The following NTN1 variants were observed in gnomAD, a reference collection of about 807,000 sequenced individuals.
NTN1 encodes the protein netrin-1.
Under a neutral mutation model 54.2 loss-of-function variants are expected in NTN1, and 11 were observed. That is an observed-to-expected ratio of 0.20 (90% CI 0.13 to 0.34). The LOEUF is 0.34. NTN1 is among the 10% of genes least tolerant of loss of function. The pLI is 1.00. For synonymous variants in NTN1, 371 were observed against 382.0 expected (o/e 0.97, Z 0.33); for missense variants, 740 against 893.1 (o/e 0.83, Z 2.18).
chr17:9,069,309 A>C (rs1203335989), intron 2 of NTN1, among the ~76,000 whole-genome samples: 1 of 152,106 alleles, frequency 6.6e-6, no homozygotes, highest in Non-Finnish European at 1.5e-5. Context: ...GGAATTAAAA[A>C]AAAAAGAATG....
In NTN1 at chr17:9,221,512, C is replaced by G. The variant is rs1905353137; in HGVS notation, c.1486+270C>G. ...CCCAGGCTGGCCTCTGGCTTTGACT[C>G]TGCCGCTGATGGGCTGTGTGGCCAC... On this transcript the variant is annotated intron_variant, in intron 6 of 6. Coordinates refer to ENST00000173229, the MANE Select transcript of NTN1 (RefSeq NM_004822.3). The surrounding 1 kb of genome is among the most constrained non-coding windows in gnomAD (Gnocchi z 4.5). Among the ~76,000 whole-genome samples the G allele has an allele frequency of 6.6e-6, 1 of 152,244 alleles. No individual in the cohort carries two copies. Among genetic ancestry groups the G allele is most frequent in the Admixed American group, 6.5e-5 (1 of 15,292 alleles).
At chr17:9,071,405 A>T (rs2092031554) in intron 2 of NTN1, among the ~76,000 whole-genome samples, 8 of 152,188 alleles carry the variant, frequency 5.3e-5, no homozygotes, top group African/African-American at 1.2e-4. Flanking sequence ...TCACATTCTC[A>T]GTAATTAGAC....
chr17:9,122,582 A>G (rs2092234708), intron 2 of NTN1, among the ~76,000 whole-genome samples: 1 of 152,220 alleles, frequency 6.6e-6, no homozygotes, highest in South Asian at 2.1e-4. Flanking sequence ...CCAGCCCCTC[A>G]TCTTGTGCTT....
chr17:9,222,154 C>A (rs887481252), intron 6 of NTN1, among the ~76,000 whole-genome samples: 1 of 152,232 alleles, frequency 6.6e-6, no homozygotes, highest in South Asian at 2.1e-4. Context: ...CTCTCCTTGA[C>A]CTGGTGGGCC....
At chr17:9,117,810 G>A (rs1026642666) in intron 2 of NTN1, among the ~76,000 whole-genome samples, 1 of 150,818 alleles carries the variant, frequency 6.6e-6, no homozygotes. Context: ...TGCACGGCGT[G>A]TCATCCCCTG....
At chr17:9,195,306 G>A (rs956693739) in intron 5 of NTN1, among the ~76,000 whole-genome samples, 1 of 151,872 alleles carries the variant, frequency 6.6e-6, no homozygotes, top group Admixed American at 6.6e-5. Flanking sequence ...GCCTTTGCAG[G>A]TGGAGCTGCC....
chr17:9,173,676 A>C (rs1367131520), intron 3 of NTN1: 1 of 152,380 alleles, frequency 6.6e-6, no homozygotes, highest in East Asian at 1.9e-4. Flanking sequence ...CAGGAGGGCC[A>C]CAGGCAGATG....
intron 2 of NTN1, among the ~76,000 whole-genome samples, chr17:9,150,695 A>G (rs578229310): frequency 1.3e-5 from 2 of 152,098 alleles, no homozygotes; most frequent in African/African-American, 2.4e-5. Flanking sequence ...GGCCTGGGAC[A>G]TGTTCGTTAG....
chr17:9,024,321 G>A (rs975714774), intron 2 of NTN1, among the ~76,000 whole-genome samples: 1 of 152,226 alleles, frequency 6.6e-6, no homozygotes, highest in African/African-American at 2.4e-5. Flanking sequence ...AAAAGGGTGA[G>A]GGGAGGTAGC....
chr17:9,168,256 G>A (rs2092378162), intron 3 of NTN1, among the ~76,000 whole-genome samples: 1 of 152,198 alleles, frequency 6.6e-6, no homozygotes, highest in Non-Finnish European at 1.5e-5. Flanking sequence ...ATCCTGGCCG[G>A]GCACGGTGGC....
intron 2 of NTN1, among the ~76,000 whole-genome samples, chr17:9,033,848 C>T (rs1249247182): frequency 4.9e-5 from 7 of 141,880 alleles, no homozygotes; most frequent in Non-Finnish European, 1.1e-4. Context: ...ATCTGGGAGG[C>T]GGAGGTTGCA....
intron 5 of NTN1, among the ~76,000 whole-genome samples, chr17:9,185,093 C>T (rs1267562827): frequency 8.5e-5 from 13 of 152,200 alleles, no homozygotes; most frequent in Admixed American, 8.5e-4. Flanking sequence ...GGTTGGAAGC[C>T]TGTAGCAATG....
intron 5 of NTN1, among the ~76,000 whole-genome samples, chr17:9,193,102 GAAAA>G (rs966579541): frequency 1.1e-5 from 1 of 93,098 alleles, no homozygotes; most frequent in African/African-American, 3.9e-5. Flanking sequence ...AAAAGAAAAA[GAAAA>G]AAAAGCCGTT....
chr17:9,117,519 G>T (rs551276191), intron 2 of NTN1, among the ~76,000 whole-genome samples: 57 of 152,228 alleles, frequency 3.7e-4, no homozygotes, highest in Admixed American at 3.7e-3. Flanking sequence ...GCCGAGGAGG[G>T]TGGATCACAA....
intron 2 of NTN1, among the ~76,000 whole-genome samples, chr17:9,147,334 T>C (rs1780476063): frequency 6.6e-6 from 1 of 152,058 alleles, no homozygotes; most frequent in Non-Finnish European, 1.5e-5. Flanking sequence ...TGAAACCCCG[T>C]CTCTACTAAA....
chr17:9,024,236 AC>A (rs1456062594), intron 2 of NTN1, among the ~76,000 whole-genome samples: 12 of 152,358 alleles, frequency 7.9e-5, no homozygotes, highest in African/African-American at 2.6e-4. Flanking sequence ...AAAAAAGGAT[AC>A]GTTCTGCTTC....
At chr17:9,129,750 C>G (rs1053883862) in intron 2 of NTN1, among the ~76,000 whole-genome samples, 1 of 152,164 alleles carries the variant, frequency 6.6e-6, no homozygotes. Context: ...CTGGACCTCC[C>G]GGCTGCCGTC....
In NTN1 at chr17:9,178,449, T is replaced by C. The variant is rs577762842; in HGVS notation, c.1208-1358T>C. ...CCTCACATTCTTCTCTTCTCCACCT[T>C]CCTCCCTCCCTCCTCTTCCTAATTC... is the stretch of plus-strand genomic sequence containing the variant. On this transcript the variant is annotated intron_variant, in intron 3 of 6. Coordinates refer to ENST00000173229, the MANE Select transcript of NTN1 (RefSeq NM_004822.3). Among the ~76,000 whole-genome samples, 297 of 152,216 alleles carry C rather than the reference T, an allele frequency of 2.0e-3. 2 individuals are homozygous for C. Among genetic ancestry groups the C allele is most frequent in the African/African-American group, 6.8e-3 (281 of 41,534 alleles).
chr17:9,151,140 G>A (rs1300680216), intron 2 of NTN1, among the ~76,000 whole-genome samples: 2 of 152,180 alleles, frequency 1.3e-5, no homozygotes, highest in Admixed American at 6.5e-5. Context: ...TCCCCCAGAA[G>A]CCTAAGAGGG....
Sources: gnomAD v4.1 joint callset for allele counts (sites outside exome capture counted in the v4.1 genomes callset) on GRCh38, gnomAD v4.1.1 for gene constraint, Gnocchi (gnomAD v3.1) non-coding constraint, MANE v1.5 for transcripts, NCBI Gene and HGNC (gene_info 2026-07-23, HGNC 2026-07-21) for gene names.